Variants in CTTNBP2 observed in about 807,000 individuals in gnomAD.
The protein encoded by CTTNBP2 is cortactin binding protein 2.
A neutral mutation model predicts 156.9 loss-of-function variants in CTTNBP2; 108 were observed. That is an observed-to-expected ratio of 0.69 (90% CI 0.59 to 0.81). The LOEUF (loss-of-function observed/expected upper bound fraction) is 0.81. CTTNBP2 is among the 30% of genes least tolerant of loss of function. CTTNBP2 has a pLI of 0.00. For synonymous variants in CTTNBP2, 767 were observed against 751.8 expected (o/e 1.02, Z -0.33); for missense variants, 1,924 against 2,035.4 (o/e 0.95, Z 1.05).
chr7:117,868,227 A>G (rs76605310), intron 1 of CTTNBP2, among the ~76,000 whole-genome samples: 513 of 152,366 alleles, frequency 3.4e-3, no homozygotes, highest in South Asian at 6.6e-3. Flanking sequence ...CTTACAATGC[A>G]TTAAAGAATA....
intron 2 of CTTNBP2, among the ~76,000 whole-genome samples, chr7:117,830,544 A>C (rs1395008643): frequency 2.0e-5 from 3 of 152,230 alleles, no homozygotes; most frequent in Non-Finnish European, 2.9e-5. Flanking sequence ...TGAACACTCA[A>C]ACTGATTTGG....
At chr7:117,788,165 G>A (rs1228830494) in intron 4 of CTTNBP2, among the ~76,000 whole-genome samples, 1 of 152,068 alleles carries the variant, frequency 6.6e-6, no homozygotes, top group Non-Finnish European at 1.5e-5. Context: ...TGTAAAGATG[G>A]GATTTTGCCA....
At chr7:117,773,708 C>CACACACACACACA in intron 8 of CTTNBP2, among the ~76,000 whole-genome samples, 12 of 131,088 alleles carry the variant, frequency 9.2e-5, no homozygotes, top group Admixed American at 1.5e-4. Context: ...CACACACACA[C>CACACACACACACA]CCCAAAAAAC....
chr7:117,870,986 A>G (rs943234873), intron 1 of CTTNBP2, among the ~76,000 whole-genome samples: 1 of 152,248 alleles, frequency 6.6e-6, no homozygotes, highest in Non-Finnish European at 1.5e-5. Flanking sequence ...CTAAATAGTC[A>G]AAGCTTAGTG....
At chr7:117,814,381 A>T (rs1563034306) in intron 2 of CTTNBP2, among the ~76,000 whole-genome samples, 1 of 152,074 alleles carries the variant, frequency 6.6e-6, no homozygotes. Flanking sequence ...TTTTCTGCTG[A>T]AAATGTTGTA....
At chr7:117,719,287 G>A (rs1432109327) in intron 21 of CTTNBP2, among the ~76,000 whole-genome samples, 1 of 152,216 alleles carries the variant, frequency 6.6e-6, no homozygotes, top group Non-Finnish European at 1.5e-5. Context: ...TCAGGTCTTG[G>A]AGGAGTTTGG....
intron 10 of CTTNBP2, among the ~76,000 whole-genome samples, chr7:117,758,751 C>T (rs1472458908): frequency 2.0e-5 from 3 of 152,162 alleles, no homozygotes; most frequent in Non-Finnish European, 2.9e-5. Context: ...GTGGTTACAG[C>T]GAGGCACTAA....
At position 117,750,699 on chromosome 7, in the gene CTTNBP2, T is replaced by C. The variant is rs527547393; in HGVS notation, c.3349-4600A>G. ...AGAACCGGGTCGAACATGCAAAGCT[T>C]TGCTAAGACATTACATATTGTTTTG... On this transcript the variant is annotated intron_variant, in intron 12 of 22. Transcript: ENST00000160373. 8.5e-5 allele frequency among the ~76,000 whole-genome samples: 13 copies of C among 152,330 alleles called. No individual in the cohort carries two copies. The South Asian group carries it at 2.7e-3, about 32-fold the overall frequency.
chr7:117,805,411 A>C (rs1799872264), intron 3 of CTTNBP2, among the ~76,000 whole-genome samples: 1 of 152,088 alleles, frequency 6.6e-6, no homozygotes, highest in African/African-American at 2.4e-5. Context: ...AAGTATGTGG[A>C]CTCTGAAGGC....
intron 2 of CTTNBP2, among the ~76,000 whole-genome samples, chr7:117,836,524 C>G (rs375387068): frequency 2.0e-5 from 3 of 152,180 alleles, no homozygotes; most frequent in Non-Finnish European, 2.9e-5. Context: ...GATCGCGCCA[C>G]TGCACTCCAG....
At chr7:117,775,653 T>C (rs1183785526) in intron 8 of CTTNBP2, among the ~76,000 whole-genome samples, 2 of 151,612 alleles carry the variant, frequency 1.3e-5, no homozygotes, top group Non-Finnish European at 2.9e-5. Context: ...TCATATTACA[T>C]TCAGAGTTTT....
chr7:117,782,881 C>T lies in CTTNBP2; in HGVS notation c.2353G>A (p.Ala785Thr). ...KNGFTPLCAA[A>T]AQGHFECVEL... is the part of the protein sequence containing the mutation. Reference sequence around the variant, plus strand: ...ACTTACTCGAAATGTCCCTGAGCAGCTGCAGCACACAAGGGTGTGAAGCCA... The same window carrying T: ...ACTTACTCGAAATGTCCCTGAGCAGTTGCAGCACACAAGGGTGTGAAGCCA... Residue 785 changes from alanine (A) to threonine (T), a missense_variant, in exon 6 of 23, where the codon GCT becomes ACT. Physicochemically the swap from Ala to Thr is moderately conservative, Grantham distance 58 (BLOSUM62 0). Coordinates refer to ENST00000160373, the MANE Select transcript of CTTNBP2 (RefSeq NM_033427.3). 6.2e-7 allele frequency: 1 copy of T among 1,613,556 alleles called. No individual in the cohort carries two copies. Among genetic ancestry groups the T allele is most frequent in the Non-Finnish European group, 8.5e-7 (1 of 1,179,586 alleles).
At chr7:117,749,529 T>C (rs1004979981) in intron 12 of CTTNBP2, among the ~76,000 whole-genome samples, 4 of 152,166 alleles carry the variant, frequency 2.6e-5, no homozygotes, top group African/African-American at 9.7e-5. Context: ...ACCTGGGATG[T>C]AGCACAGTCT....
chr7:117,725,315 A>T, intron 17 of CTTNBP2, 58 bp from the exon 18 acceptor site: 6 of 1,467,428 alleles, frequency 4.1e-6, no homozygotes, highest in Non-Finnish European at 5.7e-6. Flanking sequence ...AATTATACAC[A>T]ATTCCGTGAA....
intron 22 of CTTNBP2, among the ~76,000 whole-genome samples, chr7:117,716,871 G>A (rs1331852760): frequency 2.0e-5 from 3 of 152,154 alleles, no homozygotes; most frequent in Admixed American, 6.5e-5. Flanking sequence ...GGGCTGTGGG[G>A]CCCAGTGCCG....
intron 3 of CTTNBP2, among the ~76,000 whole-genome samples, chr7:117,798,309 T>C (rs1037865358): frequency 6.6e-6 from 1 of 152,120 alleles, no homozygotes; most frequent in Non-Finnish European, 1.5e-5. Context: ...ACAAAAGATA[T>C]TCTTTTCAAA....
At chr7:117,822,740 A>T (rs1017524431) in intron 2 of CTTNBP2, among the ~76,000 whole-genome samples, 5 of 152,190 alleles carry the variant, frequency 3.3e-5, no homozygotes, top group Admixed American at 2.6e-4. Context: ...ATTTAAATTA[A>T]GACTTGTTTT....
At chr7:117,731,361 C>T (rs1388761895) in intron 16 of CTTNBP2, among the ~76,000 whole-genome samples, 2 of 152,166 alleles carry the variant, frequency 1.3e-5, no homozygotes, top group Non-Finnish European at 2.9e-5. Context: ...ACACTGAACA[C>T]GTTTTTTTAA....
At chr7:117,786,376 T>C (rs1281823521) in intron 4 of CTTNBP2, 1 of 444,600 alleles carries the variant, frequency 2.2e-6, no homozygotes, top group African/African-American at 2.0e-5. Flanking sequence ...TATTTTTACT[T>C]CATACTTACA....
Sources: gnomAD v4.1 joint callset for allele counts (sites outside exome capture counted in the v4.1 genomes callset) on GRCh38, gnomAD v4.1.1 for gene constraint, MANE v1.5 for transcripts, NCBI Gene and HGNC (gene_info 2026-07-23, HGNC 2026-07-21) for gene names.